The following MICAL2 variants were observed in gnomAD, a reference collection of about 807,000 sequenced individuals.
MICAL2 encodes the protein microtubule associated monooxygenase, calponin and LIM domain containing 2.
Under a neutral mutation model 127.3 loss-of-function variants are expected in MICAL2, and 77 were observed. That is an observed-to-expected ratio of 0.60 (90% confidence interval 0.50 to 0.73). The LOEUF (loss-of-function observed/expected upper bound fraction) is 0.73, where lower values mean the gene tolerates loss of function less well. Ranked by LOEUF, MICAL2 falls within the 30% of genes least tolerant of loss-of-function variation. The pLI, the probability that MICAL2 is intolerant of heterozygous loss-of-function variation, is 0.00. For missense variants in MICAL2, 1,351 were observed against 1,434.4 expected (o/e 0.94, Z 0.94); for synonymous variants, 570 against 551.1 (o/e 1.03, Z -0.48).
At position 12,259,874 on chromosome 11, in the gene MICAL2, G is replaced by C. The variant is rs1197414188; in HGVS notation, c.3311G>C (p.Gly1104Ala). The part of the protein sequence containing the change: ...TESSCAVAAI[G>A]TLEGSPPVHF... Reference sequence around the variant, plus strand: ...AGTTCTTGCGCAGTGGCCGCCATTGGCACCCTGGAAGGCAGCCCCCCAGGT... The same window carrying C: ...AGTTCTTGCGCAGTGGCCGCCATTGCCACCCTGGAAGGCAGCCCCCCAGGT... The change falls in exon 26 of 28, where the codon GGC (glycine) becomes GCC (alanine). Residue 1104 changes from glycine (G) to alanine (A), a missense_variant. By Grantham distance (60) the Gly-to-Ala change is moderately conservative. Transcript: ENST00000683283. The C allele has an allele frequency of 6.2e-7, 1 of 1,611,040 alleles. No individual in the cohort carries two copies. The highest frequency in any genetic ancestry group is 8.5e-7 in the Non-Finnish European group (1 of 1,178,150).
intron 29 of MICAL2, among the ~76,000 whole-genome samples, chr11:12,315,960 T>C (rs1864227711): frequency 2.0e-5 from 3 of 152,138 alleles, no homozygotes; most frequent in Admixed American, 1.3e-4. Flanking sequence ...TTTGTTTCTT[T>C]AATTTAATCA....
At chr11:12,127,462 G>A (rs780823233) in intron 1 of MICAL2, among the ~76,000 whole-genome samples, 16 of 152,234 alleles carry the variant, frequency 1.1e-4, no homozygotes, top group Admixed American at 4.6e-4. Flanking sequence ...AGCTAAATGC[G>A]TGGGAGGCCA....
intron 3 of MICAL2, among the ~76,000 whole-genome samples, chr11:12,199,536 T>C (rs905942181): frequency 6.6e-6 from 1 of 152,198 alleles, no homozygotes; most frequent in African/African-American, 2.4e-5. Context: ...GGCATCTCCC[T>C]CTGGGGACTG....
intron 21 of MICAL2, among the ~76,000 whole-genome samples, chr11:12,244,689 G>T (rs949008970): frequency 1.3e-5 from 2 of 152,152 alleles, no homozygotes; most frequent in African/African-American, 2.4e-5. Context: ...GGGGGATTTT[G>T]CTAGAGAGAA....
chr11:12,297,862 T>A (rs1204745468), intron 29 of MICAL2, among the ~76,000 whole-genome samples: 4 of 151,978 alleles, frequency 2.6e-5, no homozygotes, highest in Admixed American at 2.6e-4. Context: ...ATATTCCATT[T>A]AGTTGTCTGT....
At chr11:12,334,078 C>CT (rs1938700294) in intron 32 of MICAL2, among the ~76,000 whole-genome samples, 2 of 151,986 alleles carry the variant, frequency 1.3e-5, no homozygotes, top group Non-Finnish European at 2.9e-5. Flanking sequence ...TAAGAAGAAT[C>CT]TTTTTTTGAC....
intron 32 of MICAL2, among the ~76,000 whole-genome samples, chr11:12,338,997 G>A (rs4604861): frequency 0.12 from 18,862 of 152,100 alleles, 1,455 homozygotes; most frequent in South Asian, 0.22. Context: ...TCTGAATGTT[G>A]GCCTGCCTTG....
intron 32 of MICAL2, among the ~76,000 whole-genome samples, chr11:12,348,430 A>G (rs571756146): frequency 6.6e-6 from 1 of 152,290 alleles, no homozygotes; most frequent in East Asian, 1.9e-4. Context: ...GTGTCATTAT[A>G]TATAAGGGAC....
At chr11:12,335,583 T>G (rs1194676166) in intron 32 of MICAL2, among the ~76,000 whole-genome samples, 3 of 152,200 alleles carry the variant, frequency 2.0e-5, no homozygotes, top group African/African-American at 7.2e-5. Context: ...TTTTATGGTT[T>G]TAGGTCTAAC....
At chr11:12,254,267 C>T (rs969535757) in intron 22 of MICAL2, 2 of 152,274 alleles carry the variant, frequency 1.3e-5, no homozygotes, top group African/African-American at 4.8e-5. Flanking sequence ...CACATTCTCT[C>T]GTGCAGTCCT....
chr11:12,255,875 G>A, intron 23 of MICAL2, 125 bp downstream of exon 23: 2 of 691,086 alleles, frequency 2.9e-6, no homozygotes, highest in East Asian at 2.7e-5. Context: ...AACAAGAGGG[G>A]GCTGAGAATG....
chr11:12,343,419 A>C (rs981391804), intron 32 of MICAL2, among the ~76,000 whole-genome samples: 3 of 151,434 alleles, frequency 2.0e-5, no homozygotes, highest in Admixed American at 6.6e-5. Flanking sequence ...AAAAAAAAAA[A>C]AAAAACTGTA....
intron 2 of MICAL2, among the ~76,000 whole-genome samples, chr11:12,283,220 G>T (rs1863790472): frequency 1.3e-5 from 2 of 151,872 alleles, no homozygotes; most frequent in Admixed American, 6.6e-5. Context: ...CCTTTGTGTG[G>T]GTTTTATGGA....
chr11:12,319,855 G>A (rs1864273294), intron 30 of MICAL2: 2 of 1,449,248 alleles, frequency 1.4e-6, no homozygotes, highest in African/African-American at 2.8e-5. Flanking sequence ...GCTGGTGGGG[G>A]CTGCTTACCA....
chr11:12,287,066 T>C (rs1863835155), intron 2 of MICAL2: 1 of 398,970 alleles, frequency 2.5e-6, no homozygotes, highest in East Asian at 3.6e-5. Context: ...CCATCTTCCC[T>C]GTCCCTTTCT....
chr11:12,129,636 C>CTTTTTTTTTTTTTTT (rs559528778), intron 1 of MICAL2, among the ~76,000 whole-genome samples: 15 of 97,454 alleles, frequency 1.5e-4, no homozygotes, highest in African/African-American at 5.5e-4. Flanking sequence ...TCTTCTTCTT[C>CTTTTTTTTTTTTTTT]TTTTTTTTTT....
chr11:12,275,833 G>T, upstream of MICAL2: 2 of 397,292 alleles, frequency 5.0e-6, no homozygotes, highest in Admixed American at 4.4e-5. Flanking sequence ...CAGGCTCGGG[G>T]GTGAGGGTTC....
chr11:12,261,443 G>A, intron 26 of MICAL2: 1 of 985,482 alleles, frequency 1.0e-6, no homozygotes, highest in Non-Finnish European at 1.2e-6. Context: ...GTATCTAGAA[G>A]AGTCCTCAGC....
At chr11:12,228,970 CCT>C (rs1421471689) in intron 15 of MICAL2, among the ~76,000 whole-genome samples, 3 of 152,064 alleles carry the variant, frequency 2.0e-5, no homozygotes, top group South Asian at 2.1e-4. Flanking sequence ...GCTTGCCTGC[CCT>C]CTCCAGGATG....
Sources: gnomAD v4.1 joint callset for allele counts (sites outside exome capture counted in the v4.1 genomes callset) on GRCh38, gnomAD v4.1.1 for gene constraint, MANE v1.5 for transcripts, NCBI Gene and HGNC (gene_info 2026-07-23, HGNC 2026-07-21) for gene names.